SYT12: variants seen among roughly 807,000 people sequenced by gnomAD.
SYT12 encodes synaptotagmin 12, also known as synaptotagmin-12.
SYT12 carries 27 observed loss-of-function variants against 39.5 expected under a neutral mutation model. The ratio of observed to expected loss-of-function variants is 0.68; its 90% CI spans 0.50 to 0.94. The LOEUF (loss-of-function observed/expected upper bound fraction) is 0.94, where lower values mean the gene tolerates loss of function less well. SYT12 is among the 40% of genes least tolerant of loss of function. The pLI is 0.00. For synonymous variants in SYT12, 233 were observed against 239.7 expected (o/e 0.97, Z 0.26); for missense variants, 536 against 572.6 (o/e 0.94, Z 0.65).
chr11:67,040,214 C>T lies in SYT12; in HGVS notation c.621+11C>T. The T allele has an allele frequency of 6.4e-7, 1 of 1,563,936 alleles. No individual in the cohort carries two copies. Among genetic ancestry groups the T allele is most frequent in the South Asian group, 1.2e-5 (1 of 82,274 alleles). ...GTGGGCATTTCTCGGGTAAGTGGGG[C>T]TCAGGGCGGGGCAGAAGGGTGCTCT... is the stretch of plus-strand genomic sequence containing the variant. On this transcript the variant is annotated intron_variant, in intron 4 of 7. Coordinates refer to ENST00000527043, the MANE Select transcript of SYT12 (RefSeq NM_177963.4).
intron 5 of SYT12, 66 bp downstream of exon 5, chr11:67,043,919 C>T (rs776949534): frequency 7.8e-6 from 11 of 1,413,048 alleles, no homozygotes; most frequent in Non-Finnish European, 1.1e-5. Context: ...CAGGAAGGGA[C>T]TCCATCATCC....
At chr11:67,039,737 A>T in intron 3 of SYT12, 74 bp from the exon 4 acceptor site, 1 of 1,515,604 alleles carries the variant, frequency 6.6e-7, no homozygotes, top group Middle Eastern at 1.9e-4. Context: ...GGCCTTACTC[A>T]TCTCTTTGCC....
chr11:67,035,086 T>G (rs937179482), intron 3 of SYT12, among the ~76,000 whole-genome samples: 1 of 148,774 alleles, frequency 6.7e-6, no homozygotes, highest in Non-Finnish European at 1.5e-5. Context: ...CTGGGCTCAC[T>G]GCAACCTCTG....
intron 1 of SYT12, chr11:67,028,151 T>C (rs1950207067): frequency 6.6e-6 from 1 of 152,200 alleles, no homozygotes. Context: ...AAACCAGAGA[T>C]AATAATAGTA....
At chr11:67,007,674 C>T (rs1484341053) in intron 1 of SYT12, among the ~76,000 whole-genome samples, 1 of 152,052 alleles carries the variant, frequency 6.6e-6, no homozygotes, top group Non-Finnish European at 1.5e-5. Context: ...AAGCGATTCT[C>T]CTGCCTCAGC....
intron 2 of SYT12, chr11:67,032,514 A>G (rs1410316621): frequency 6.6e-6 from 1 of 152,264 alleles, no homozygotes; most frequent in Non-Finnish European, 1.5e-5. Flanking sequence ...AAGCCAAGGT[A>G]CCGGTGCCCG....
At chr11:67,018,984 G>C (rs78039669), upstream of SYT12, among the ~76,000 whole-genome samples, 95 of 152,298 alleles carry the variant, frequency 6.2e-4, no homozygotes, top group East Asian at 0.016. Flanking sequence ...TGTTCCAACT[G>C]TATTCATCGA....
rs201929626 is a variant in SYT12, at chr11:67,040,069, G to A, written c.487G>A (p.Asp163Asn). 4.2e-5 allele frequency: 67 copies of A among 1,613,998 alleles called. No individual in the cohort carries two copies. The highest frequency in any genetic ancestry group is 5.5e-5 in the Non-Finnish European group (65 of 1,180,020). Residue 163 changes from aspartate (D) to asparagine (N), a missense_variant, in exon 4 of 8, where the codon GAC (aspartate) becomes AAC (asparagine). Physicochemically the swap from Asp to Asn is conservative, Grantham distance 23. Transcript: ENST00000527043. Reference protein sequence around the residue: ...LGQVEVSMEYDTASHTLNVAV... With the variant: ...LGQVEVSMEYNTASHTLNVAV... ...CCAGGTGGAGGTGAGCATGGAGTAC[G>A]ACACTGCCTCCCACACGCTGAACGT...
At chr11:67,016,229 C>T (rs1487281272) in intron 3 of SYT12, among the ~76,000 whole-genome samples, 2 of 152,044 alleles carry the variant, frequency 1.3e-5, no homozygotes, top group Non-Finnish European at 2.9e-5. Flanking sequence ...TGCAGTGAGC[C>T]GAGATCGCAC....
chr11:67,044,749 G>A, intron 6 of SYT12, 36 bp downstream of exon 6: 1 of 1,610,994 alleles, frequency 6.2e-7, no homozygotes, highest in Non-Finnish European at 8.5e-7. Context: ...CCTCCACGTA[G>A]CTCAGTGGAA....
At chr11:67,035,447 CT>C (rs1297664309) in intron 3 of SYT12, among the ~76,000 whole-genome samples, 3 of 120,044 alleles carry the variant, frequency 2.5e-5, no homozygotes, top group South Asian at 2.4e-4. Context: ...TTTTCTTTTT[CT>C]TTTTCTTTTC....
chr11:67,038,444 A>G (rs1215292805), intron 3 of SYT12, among the ~76,000 whole-genome samples: 3 of 151,878 alleles, frequency 2.0e-5, no homozygotes, highest in African/African-American at 7.3e-5. Context: ...TTTTACAGGC[A>G]TGAGCCACCG....
intron 1 of SYT12, among the ~76,000 whole-genome samples, chr11:67,024,308 A>G (rs2136202606): frequency 6.6e-6 from 1 of 152,316 alleles, no homozygotes; most frequent in African/African-American, 2.4e-5. Flanking sequence ...AAATGGGGAA[A>G]TTGAGGCTCA....
chr11:67,011,299 A>G (rs1950011567), intron 3 of SYT12, among the ~76,000 whole-genome samples: 1 of 152,174 alleles, frequency 6.6e-6, no homozygotes, highest in Admixed American at 6.5e-5. Context: ...TTGGAATGCA[A>G]TGGCACGATC....
chr11:67,039,109 G>A (rs1950445749), intron 3 of SYT12, among the ~76,000 whole-genome samples: 1 of 151,526 alleles, frequency 6.6e-6, no homozygotes, highest in Non-Finnish European at 1.5e-5. Flanking sequence ...TTCCAGACCA[G>A]CCTGGCCAAC....
intron 7 of SYT12, among the ~76,000 whole-genome samples, chr11:67,047,643 A>G (rs868082599): frequency 2.7e-5 from 4 of 150,932 alleles, no homozygotes; most frequent in Non-Finnish European, 5.9e-5. Flanking sequence ...GCCCAAGGTC[A>G]CACAGCAAGG....
chr11:67,031,752 A>G (rs1489816527), intron 2 of SYT12: 1 of 151,960 alleles, frequency 6.6e-6, no homozygotes, highest in East Asian at 1.9e-4. Flanking sequence ...CACCCCGGGC[A>G]TGGGCTCCAC....
intron 3 of SYT12, among the ~76,000 whole-genome samples, chr11:67,017,762 C>G (rs147120719): frequency 0.014 from 2,071 of 151,772 alleles, 59 homozygotes; most frequent in African/African-American, 0.048. Context: ...GAGTTCGAGA[C>G]CAGCCTGGCC....
chr11:67,017,393 T>G (rs1204801393), intron 3 of SYT12, among the ~76,000 whole-genome samples: 2 of 150,144 alleles, frequency 1.3e-5, no homozygotes, highest in Admixed American at 1.3e-4. Context: ...GGAGTCTTGC[T>G]CTGTCGCCCA....
Sources: gnomAD v4.1 joint callset for allele counts (sites outside exome capture counted in the v4.1 genomes callset) on GRCh38, gnomAD v4.1.1 for gene constraint, MANE v1.5 for transcripts, NCBI Gene and HGNC (gene_info 2026-07-23, HGNC 2026-07-21) for gene names.